The following KMT5B variants were observed in gnomAD, a reference collection of about 807,000 sequenced individuals.
KMT5B encodes lysine methyltransferase 5B, also known as histone-lysine N-methyltransferase KMT5B.
A neutral mutation model predicts 83.2 loss-of-function variants in KMT5B; 10 were observed. The observed-to-expected ratio is 0.12, with a 90% CI of 0.07 to 0.20. The LOEUF is 0.20. KMT5B is among the 10% of genes least tolerant of loss of function. KMT5B has a pLI of 1.00. For missense variants in KMT5B, 753 were observed against 1,067.2 expected (o/e 0.71, Z 4.10); for synonymous variants, 349 against 388.8 (o/e 0.90, Z 1.20).
chr11:68,206,051 C>G (rs952107064), intron 1 of KMT5B, among the ~76,000 whole-genome samples: 2 of 152,172 alleles, frequency 1.3e-5, no homozygotes, highest in Non-Finnish European at 2.9e-5. Context: ...GTATTTACGA[C>G]GAGGGATGTC....
At chr11:68,193,447 A>G (rs2153076121) in intron 1 of KMT5B, among the ~76,000 whole-genome samples, 1 of 152,142 alleles carries the variant, frequency 6.6e-6, no homozygotes, top group East Asian at 1.9e-4. Flanking sequence ...ATGTTACAGG[A>G]GTATCTGTGT....
Position 68,156,256 on chromosome 11 carries a change from C to T in KMT5B, c.*1432G>A, listed in dbSNP as rs1274257241. On this transcript the variant is annotated 3_prime_UTR_variant, in exon 11 of 11. Coordinates refer to ENST00000304363, the MANE Select transcript of KMT5B (RefSeq NM_017635.5). ...CATTTCCCAGAAATAAAGAGACCTA[C>T]TGGTGTCAAACACCTGTTACAGATT... 6.6e-6 allele frequency: 1 copy of T among 152,532 alleles called. No individual in the cohort carries two copies. The highest frequency in any genetic ancestry group is 1.5e-5 in the Non-Finnish European group (1 of 68,040). The allele number at this position is 152,532 out of a possible 1,614,324, so 9.4% of individuals were successfully genotyped here.
chr11:68,160,129 T>C (rs1854727310), intron 10 of KMT5B, among the ~76,000 whole-genome samples: 3 of 152,242 alleles, frequency 2.0e-5, no homozygotes, highest in Admixed American at 2.0e-4. Context: ...TAGATAATTC[T>C]TTTGCTACAG....
chr11:68,179,707 T>A, intron 4 of KMT5B: 2 of 1,039,576 alleles, frequency 1.9e-6, no homozygotes, highest in Non-Finnish European at 2.4e-6. Flanking sequence ...ATTTAAGATA[T>A]AAAATAAAAC....
chr11:68,179,542 G>T, intron 4 of KMT5B: 3 of 1,304,164 alleles, frequency 2.3e-6, no homozygotes, highest in Non-Finnish European at 3.0e-6. Flanking sequence ...TCCCCACTGT[G>T]GCAGTGAAGA....
intron 1 of KMT5B, among the ~76,000 whole-genome samples, chr11:68,194,084 G>T (rs1858410855): frequency 1.3e-5 from 2 of 151,814 alleles, no homozygotes; most frequent in South Asian, 4.1e-4. Flanking sequence ...ACTCTAAAAT[G>T]GACTTCATTT....
intron 1 of KMT5B, among the ~76,000 whole-genome samples, chr11:68,207,804 A>C (rs1015886044): frequency 7.4e-5 from 11 of 149,240 alleles, no homozygotes; most frequent in African/African-American, 2.5e-4. Flanking sequence ...AAAAAAAAAA[A>C]AACAAACCAA....
At chr11:68,194,323 C>T (rs1858453416) in intron 1 of KMT5B, among the ~76,000 whole-genome samples, 1 of 151,634 alleles carries the variant, frequency 6.6e-6, no homozygotes, top group Non-Finnish European at 1.5e-5. Flanking sequence ...TCCTAAGTAG[C>T]TGGAATTACA....
chr11:68,201,561 C>T (rs756397212), intron 1 of KMT5B, among the ~76,000 whole-genome samples: 18 of 151,620 alleles, frequency 1.2e-4, no homozygotes, highest in Non-Finnish European at 2.2e-4. Context: ...GCTTAATATC[C>T]TAAAAACAAA....
chr11:68,199,571 G>A (rs1859159924), intron 1 of KMT5B, among the ~76,000 whole-genome samples: 2 of 152,216 alleles, frequency 1.3e-5, no homozygotes, highest in African/African-American at 4.8e-5. Flanking sequence ...TACTCCCAGT[G>A]AGAGGGAAAG....
intron 1 of KMT5B, among the ~76,000 whole-genome samples, chr11:68,191,879 G>A (rs1246725277): frequency 6.6e-6 from 1 of 152,214 alleles, no homozygotes. Flanking sequence ...GACTCATCCA[G>A]AGCAACTTCA....
At chr11:68,164,998 T>TA (rs1214501822) in intron 10 of KMT5B, among the ~76,000 whole-genome samples, 1 of 152,218 alleles carries the variant, frequency 6.6e-6, no homozygotes, top group East Asian at 1.9e-4. Flanking sequence ...TATTAATAGT[T>TA]AAATATTAGT....
At chr11:68,170,276 A>C (rs1222136543) in intron 9 of KMT5B, among the ~76,000 whole-genome samples, 2 of 152,182 alleles carry the variant, frequency 1.3e-5, no homozygotes, top group African/African-American at 4.8e-5. Context: ...CTCTCTCATG[A>C]ATATCTGTGA....
chr11:68,186,918 G>A (rs1857488033), intron 2 of KMT5B, among the ~76,000 whole-genome samples: 1 of 152,186 alleles, frequency 6.6e-6, no homozygotes, highest in African/African-American at 2.4e-5. Context: ...ATGTAGGTAT[G>A]TGAAAAGCTA....
intron 10 of KMT5B, chr11:68,166,516 A>G: frequency 1.2e-5 from 12 of 1,002,736 alleles, no homozygotes; most frequent in Non-Finnish European, 1.4e-5. Context: ...GTTTTGAAAA[A>G]GGTCAGCAAG....
chr11:68,189,808 A>C (rs1857846022), intron 2 of KMT5B, 109 bp downstream of exon 2: 4 of 1,151,906 alleles, frequency 3.5e-6, no homozygotes, highest in Non-Finnish European at 4.8e-6. Flanking sequence ...AATTATGAAA[A>C]TGCAAAAAAT....
chr11:68,164,392 CTGGGAG>C (rs572658170), intron 10 of KMT5B, among the ~76,000 whole-genome samples: 1 of 152,322 alleles, frequency 6.6e-6, no homozygotes, highest in East Asian at 1.9e-4. Context: ...ACCCACCACC[CTGGGAG>C]GAGGGACTGG....
chr11:68,199,397 C>T (rs899478738), intron 1 of KMT5B, among the ~76,000 whole-genome samples: 2 of 152,044 alleles, frequency 1.3e-5, no homozygotes, highest in Non-Finnish European at 2.9e-5. Flanking sequence ...GAAGGGACAG[C>T]CAGGCATCAG....
In KMT5B at chr11:68,193,084, T is replaced by A. The variant is rs935466801; in HGVS notation, c.-76-2932A>T. ...ACCTCATTATCGAATTATGCATTAG[T>A]ACAAGTCAGACTAAAAAGGCCCTAC... On this transcript the variant is annotated intron_variant, in intron 1 of 10. Transcript: ENST00000304363. 3.9e-5 allele frequency among the ~76,000 whole-genome samples: 6 copies of A among 152,184 alleles called. No individual in the cohort carries two copies. The East Asian group carries it at 1.2e-3, about 29-fold the overall frequency.
Sources: allele counts gnomAD v4.1 joint callset (sites outside exome capture counted in the v4.1 genomes callset), GRCh38; gene constraint gnomAD v4.1.1; transcripts MANE v1.5; gene names NCBI Gene and HGNC (gene_info 2026-07-23, HGNC 2026-07-21).